Variants in NUBPL observed in about 807,000 individuals in gnomAD.
NUBPL encodes the protein iron-sulfur cluster transfer protein NUBPL.
Under a neutral mutation model 45.7 loss-of-function variants are expected in NUBPL, and 31 were observed. The ratio of observed to expected loss-of-function variants is 0.68; its 90% CI spans 0.51 to 0.92. The LOEUF is 0.92. Ranked by LOEUF, NUBPL falls within the 40% of genes least tolerant of loss-of-function variation. NUBPL has a pLI of 0.00. For missense variants in NUBPL, 401 were observed against 398.7 expected (o/e 1.01, Z -0.05); for synonymous variants, 144 against 140.9 (o/e 1.02, Z -0.15).
intron 6 of NUBPL, among the ~76,000 whole-genome samples, chr14:31,689,945 G>A (rs185245429): frequency 0.18 from 23,858 of 134,556 alleles, 5,397 homozygotes; most frequent in African/African-American, 0.53. Flanking sequence ...TTTTTTTTTT[G>A]TCAGCATTGT....
intron 4 of NUBPL, among the ~76,000 whole-genome samples, chr14:31,636,662 A>G (rs36168543): frequency 0.29 from 44,837 of 152,118 alleles, 7,501 homozygotes; most frequent in South Asian, 0.41. Context: ...TTCAGAAGGA[A>G]TGGTACCAGT....
chr14:31,682,259 T>C (rs575812698), intron 6 of NUBPL, among the ~76,000 whole-genome samples: 6 of 152,192 alleles, frequency 3.9e-5, no homozygotes, highest in Non-Finnish European at 8.8e-5. Context: ...TGCCCTTTTG[T>C]TGTTATGAAA....
chr14:31,712,334 G>T (rs527735266), intron 6 of NUBPL, among the ~76,000 whole-genome samples: 1 of 152,216 alleles, frequency 6.6e-6, no homozygotes, highest in Non-Finnish European at 1.5e-5. Flanking sequence ...GGTACTCGCC[G>T]CAGGACTTTG....
intron 6 of NUBPL, among the ~76,000 whole-genome samples, chr14:31,762,995 C>T (rs1261373108): frequency 6.6e-6 from 1 of 152,150 alleles, no homozygotes; most frequent in Non-Finnish European, 1.5e-5. Context: ...CCTCATGTAG[C>T]TTATTGAATA....
chr14:31,579,371 T>G (rs1330843795), intron 3 of NUBPL, among the ~76,000 whole-genome samples: 2 of 152,178 alleles, frequency 1.3e-5, no homozygotes, highest in African/African-American at 4.8e-5. Context: ...ATTTAAAACA[T>G]TGTGTGCAGC....
chr14:31,757,102 C>G (rs1027336323), intron 6 of NUBPL, among the ~76,000 whole-genome samples: 1 of 151,270 alleles, frequency 6.6e-6, no homozygotes, highest in African/African-American at 2.4e-5. Flanking sequence ...ATTCGGTTTG[C>G]CAGTATTTTA....
intron 4 of NUBPL, among the ~76,000 whole-genome samples, chr14:31,644,293 A>G (rs1465582992): frequency 2.0e-5 from 3 of 152,138 alleles, no homozygotes; most frequent in South Asian, 4.2e-4. Flanking sequence ...GTTTATTGCT[A>G]TAGACTTCCA....
intron 6 of NUBPL, among the ~76,000 whole-genome samples, chr14:31,686,332 G>A (rs534912886): frequency 5.3e-5 from 8 of 152,296 alleles, no homozygotes; most frequent in Non-Finnish European, 1.0e-4. Context: ...GGGATCAGGA[G>A]ACTGGGTAAA....
At chr14:31,632,193 A>G (rs565201222) in intron 4 of NUBPL, among the ~76,000 whole-genome samples, 144 of 151,826 alleles carry the variant, frequency 9.5e-4, no homozygotes, top group African/African-American at 3.3e-3. Flanking sequence ...AAACAACAAC[A>G]GATAGGATAG....
chr14:31,634,216 C>A (rs180720145), intron 4 of NUBPL, among the ~76,000 whole-genome samples: 7 of 149,276 alleles, frequency 4.7e-5, no homozygotes, highest in Non-Finnish European at 8.9e-5. Context: ...TTAGGTATAT[C>A]TCCTAATGCT....
intron 4 of NUBPL, among the ~76,000 whole-genome samples, chr14:31,611,831 C>G (rs921431219): frequency 3.3e-5 from 5 of 152,158 alleles, no homozygotes; most frequent in Non-Finnish European, 7.3e-5. Flanking sequence ...AAAAGATGGT[C>G]TCTTTAATAA....
At chr14:31,600,226 A>G (rs370059512) in intron 4 of NUBPL, among the ~76,000 whole-genome samples, 1 of 152,018 alleles carries the variant, frequency 6.6e-6, no homozygotes, top group African/African-American at 2.4e-5. Context: ...CTGGCCCACT[A>G]ATTTTTATTT....
intron 7 of NUBPL, among the ~76,000 whole-genome samples, chr14:31,789,423 T>A (rs2039340363): frequency 6.6e-6 from 1 of 152,110 alleles, no homozygotes; most frequent in Non-Finnish European, 1.5e-5. Context: ...CTAATTAATA[T>A]TAAAGTCAAG....
chr14:31,844,438 G>A (rs1169065810), intron 8 of NUBPL: 1 of 152,166 alleles, frequency 6.6e-6, no homozygotes, highest in Non-Finnish European at 1.5e-5. Context: ...ATTAAGCTAT[G>A]TTTCTCTCTA....
chr14:31,683,203 C>T lies in NUBPL; in HGVS notation c.513+9629C>T, dbSNP rs183550909. Among the ~76,000 whole-genome samples, 4 of 151,932 alleles carry T rather than the reference C, an allele frequency of 2.6e-5. No individual in the cohort carries two copies. The East Asian group carries it at 7.7e-4, about 29-fold the overall frequency. On this transcript the variant is annotated intron_variant, in intron 6 of 10. Coordinates refer to ENST00000281081, the MANE Select transcript of NUBPL (RefSeq NM_025152.3). ...ACATGAGGTTTAGAGAGACATCTAT[C>T]CAAACTATAGCACCCTGTAACAATA...
At chr14:31,740,412 A>G (rs551954397) in intron 6 of NUBPL, among the ~76,000 whole-genome samples, 1 of 152,318 alleles carries the variant, frequency 6.6e-6, no homozygotes, top group African/African-American at 2.4e-5. Flanking sequence ...TATAATATGA[A>G]ACATCTTTTC....
At chr14:31,773,942 G>A (rs1314610193) in intron 6 of NUBPL, among the ~76,000 whole-genome samples, 2 of 152,258 alleles carry the variant, frequency 1.3e-5, no homozygotes, top group East Asian at 3.9e-4. Context: ...TGTCACTTAT[G>A]GCATATTCCA....
At chr14:31,673,733 C>A (rs754303878) in intron 6 of NUBPL, among the ~76,000 whole-genome samples, 159 bp downstream of exon 6, 1 of 152,132 alleles carries the variant, frequency 6.6e-6, no homozygotes, top group Non-Finnish European at 1.5e-5. Flanking sequence ...GATGCCAAGA[C>A]CAAACTTCAC....
At chr14:31,760,396 G>A (rs6571464) in intron 6 of NUBPL, among the ~76,000 whole-genome samples, 151,446 of 152,110 alleles carry the variant, frequency 1, 75,396 homozygotes, top group Middle Eastern at 1. Context: ...GAAGCAGTCC[G>A]TCCACCTCAG....
Sources: allele counts gnomAD v4.1 joint callset (sites outside exome capture counted in the v4.1 genomes callset), GRCh38; gene constraint gnomAD v4.1.1; transcripts MANE v1.5; gene names NCBI Gene and HGNC (gene_info 2026-07-23, HGNC 2026-07-21).